The following TMEM114 variants were observed in gnomAD, a reference collection of about 807,000 sequenced individuals.
TMEM114 encodes the protein claudin-26.
In TMEM114, 6 loss-of-function variants were observed where a neutral mutation model predicts 6.2. The ratio of observed to expected loss-of-function variants is 0.97; its 90% confidence interval spans 0.53 to 1.91. TMEM114 has a LOEUF of 1.91. Among genes scored for constraint, TMEM114 ranks in the 40% most tolerant of loss-of-function variants. TMEM114 has a pLI of 0.01. For missense variants in TMEM114, 218 were observed against 158.3 expected (o/e 1.38, Z -2.02); for synonymous variants, 104 against 73.0 (o/e 1.42, Z -2.16).
chr16:8,560,218 A>C lies in TMEM114; in HGVS notation n.213-22392T>G, dbSNP rs138640911. ...TTGCTATGTTGCTTAGGCTGGGCTC[A>C]AACTCCTGGGCTCAAGCGATCCTCC... is the stretch of plus-strand genomic sequence containing the variant. On this transcript the variant is annotated intron_variant and non_coding_transcript_variant, in intron 2 of 2. Coordinates refer to the TMEM114 transcript ENST00000623677. Among the ~76,000 whole-genome samples the C allele has an allele frequency of 2.0e-3, 299 of 151,788 alleles. 3 individuals carry two copies. Among genetic ancestry groups the C allele is most frequent in the African/African-American group, 6.9e-3 (287 of 41,378 alleles).
intron 2 of TMEM114, among the ~76,000 whole-genome samples, chr16:8,541,520 C>G (rs949539260): frequency 6.6e-6 from 1 of 152,120 alleles, no homozygotes; most frequent in African/African-American, 2.4e-5. Flanking sequence ...CTCAGTGTAA[C>G]CAGGAGATCA....
chr16:8,566,961 T>C (rs1417253760), downstream of TMEM114, among the ~76,000 whole-genome samples: 9 of 133,920 alleles, frequency 6.7e-5, no homozygotes, highest in African/African-American at 2.6e-4. Flanking sequence ...AGCGCAATGG[T>C]GCGATCTCGG....
chr16:8,547,375 T>G (rs1164392817), intron 2 of TMEM114, among the ~76,000 whole-genome samples: 2 of 64,852 alleles, frequency 3.1e-5, no homozygotes, highest in South Asian at 7.1e-4. Flanking sequence ...AGACGCGCTT[T>G]CTTTCTTTCT....
Position 8,569,553 on chromosome 16 carries a change from G to T in TMEM114, c.*220C>A, listed in dbSNP as rs1901652841. The T allele has an allele frequency of 2.1e-6, 3 of 1,409,234 alleles. No homozygotes were observed. The highest frequency in any genetic ancestry group is 1.4e-5 in the African/African-American group (1 of 69,266). 87.3% of individuals were successfully genotyped at this position (1,409,234 alleles called of 1,614,324 possible). A position where few individuals can be genotyped will look rare whatever the true frequency, so the allele number is the denominator to read the frequency against. ...GCGAAGCGGTTTGGCACTCCCTCGG[G>T]CTCCTCCAGGCCACACGGACACACA... On this transcript the variant is annotated 3_prime_UTR_variant, in exon 4 of 4. Transcript: ENST00000620492.
At chr16:8,551,794 A>C (rs1900851825) in intron 2 of TMEM114, among the ~76,000 whole-genome samples, 1 of 152,206 alleles carries the variant, frequency 6.6e-6, no homozygotes, top group African/African-American at 2.4e-5. Flanking sequence ...CTCATGTACC[A>C]AATGTAAAAC....
At chr16:8,559,993 CTTG>C (rs978263859) in intron 2 of TMEM114, among the ~76,000 whole-genome samples, 2 of 151,948 alleles carry the variant, frequency 1.3e-5, no homozygotes, top group African/African-American at 4.8e-5. Context: ...GGCTAATGAT[CTTG>C]TTGTGGTTGT....
chr16:8,535,659 A>G (rs959913346), downstream of TMEM114, among the ~76,000 whole-genome samples: 2 of 152,192 alleles, frequency 1.3e-5, no homozygotes, highest in African/African-American at 2.4e-5. Context: ...GAGTTCTGTG[A>G]TGAATGTGGC....
intron 2 of TMEM114, among the ~76,000 whole-genome samples, chr16:8,584,422 G>A (rs899633423): frequency 2.0e-5 from 3 of 152,094 alleles, no homozygotes; most frequent in African/African-American, 7.2e-5. Context: ...GACTTCCCCA[G>A]AGCTAACCTG....
chr16:8,552,509 C>T (rs9929104), intron 2 of TMEM114, among the ~76,000 whole-genome samples: 20,557 of 85,140 alleles, frequency 0.24, 1,642 homozygotes, highest in African/African-American at 0.38. Context: ...CACAAAACTG[C>T]ACACACACAC....
chr16:8,535,198 TA>T (rs1261549458), downstream of TMEM114, among the ~76,000 whole-genome samples: 1 of 152,104 alleles, frequency 6.6e-6, no homozygotes, highest in African/African-American at 2.4e-5. Context: ...TGTTTTGAAA[TA>T]AAATGCAGTC....
At chr16:8,572,062 A>G in intron 3 of TMEM114, 25 bp downstream of exon 3, 1 of 1,513,780 alleles carries the variant, frequency 6.6e-7, no homozygotes. Context: ...CACAAGCCAG[A>G]GCCCTAGGCA....
chr16:8,590,170 T>G lies in TMEM114; in HGVS notation c.-332A>C. The G allele has an allele frequency of 7.8e-6, 2 of 255,482 alleles. No individual in the cohort carries two copies. The highest frequency in any genetic ancestry group is 7.0e-5 in the East Asian group (1 of 14,266). 15.8% of individuals were successfully genotyped at this position (255,482 alleles called of 1,614,324 possible). A position where few individuals can be genotyped will look rare whatever the true frequency, so the allele number is the denominator to read the frequency against. The stretch of plus-strand genomic sequence containing the variant: ...CAGACCCTCCTGGAAGCTCTAGTCC[T>G]TCCCCACCAGCACCTTAACCCACCT... On this transcript the variant is annotated 5_prime_UTR_variant, in exon 1 of 4. Coordinates refer to ENST00000620492, the MANE Select transcript of TMEM114 (RefSeq NM_001146336.2).
chr16:8,562,968 GA>G (rs1567202608), intron 2 of TMEM114, among the ~76,000 whole-genome samples: 14 of 66,284 alleles, frequency 2.1e-4, no homozygotes, highest in African/African-American at 6.1e-4. Flanking sequence ...GAATGAGTGA[GA>G]GAGTGATGGA....
chr16:8,569,709 G>T lies in TMEM114; in HGVS notation c.*64C>A. ...GAGGAAGAAGAGGCCGCAGCCGATGGAGATCGGTCGGTGAAGCTCCGGGGC... is the reference window on the plus strand; with the variant it reads ...GAGGAAGAAGAGGCCGCAGCCGATGTAGATCGGTCGGTGAAGCTCCGGGGC... On this transcript the variant is annotated 3_prime_UTR_variant, in exon 4 of 4. Coordinates refer to ENST00000620492, the MANE Select transcript of TMEM114 (RefSeq NM_001146336.2). 1 of 1,484,620 alleles carries T rather than the reference G, an allele frequency of 6.7e-7. No individual in the cohort carries two copies. Among genetic ancestry groups the T allele is most frequent in the Non-Finnish European group, 9.0e-7 (1 of 1,114,334 alleles). 92.0% of individuals were successfully genotyped at this position (1,484,620 alleles called of 1,614,324 possible).
chr16:8,572,044 C>A, intron 3 of TMEM114, 43 bp downstream of exon 3: 6 of 1,487,482 alleles, frequency 4.0e-6, no homozygotes, highest in Non-Finnish European at 5.4e-6. Flanking sequence ...ATTGCCCAAC[C>A]CCCAGACCAC....
At chr16:8,587,695 G>A (rs892697339) in intron 2 of TMEM114, among the ~76,000 whole-genome samples, 4 of 152,310 alleles carry the variant, frequency 2.6e-5, no homozygotes, top group Non-Finnish European at 5.9e-5. Flanking sequence ...GCCTCAGTAA[G>A]TCTATCAAAA....
chr16:8,544,734 A>T (rs1437382538), intron 2 of TMEM114, among the ~76,000 whole-genome samples: 1 of 152,230 alleles, frequency 6.6e-6, no homozygotes. Context: ...GAGAAAACAC[A>T]TGACAGCAAA....
chr16:8,542,021 C>T lies in TMEM114; in HGVS notation n.213-4195G>A, dbSNP rs534312222. ...TGCGAGGCAGCTTTCACCAGGACAG[C>T]ATGGTGACCAAGAAAAAGCACGCCA... On this transcript the variant is annotated intron_variant and non_coding_transcript_variant, in intron 2 of 2. Transcript: ENST00000623677. Among the ~76,000 whole-genome samples, 7 of 152,300 alleles carry T rather than the reference C, an allele frequency of 4.6e-5. No individual in the cohort carries two copies. In the South Asian group the frequency reaches 8.3e-4, roughly 18 times the overall value.
chr16:8,580,512 A>G (rs1339608505), intron 2 of TMEM114, among the ~76,000 whole-genome samples: 1 of 149,504 alleles, frequency 6.7e-6, no homozygotes, highest in Admixed American at 6.7e-5. Flanking sequence ...AAAAAAAAAG[A>G]AAAAAAAAGG....
Sources: allele counts gnomAD v4.1 joint callset (sites outside exome capture counted in the v4.1 genomes callset), GRCh38; gene constraint gnomAD v4.1.1; transcripts MANE v1.5; gene names NCBI Gene and HGNC (gene_info 2026-07-23, HGNC 2026-07-21).